MAP7: variants seen among roughly 807,000 people sequenced by gnomAD.
MAP7 encodes ensconsin.
In MAP7, 52 loss-of-function variants were observed where a neutral mutation model predicts 94.8. The observed-to-expected ratio is 0.55, with a 90% CI of 0.44 to 0.69. The LOEUF (loss-of-function observed/expected upper bound fraction) is 0.69. Ranked by LOEUF, MAP7 falls within the 30% of genes least tolerant of loss-of-function variation. The pLI is 0.00. For synonymous variants in MAP7, 350 were observed against 357.0 expected, an observed-to-expected ratio of 0.98 and a Z score of 0.22; for missense variants, 940 against 964.6, an observed-to-expected ratio of 0.97 and a Z score of 0.34.
At chr6:136,413,992 G>A (rs1166685655) in intron 2 of MAP7, among the ~76,000 whole-genome samples, 3 of 151,096 alleles carry the variant, frequency 2.0e-5, no homozygotes, top group Admixed American at 6.6e-5. Flanking sequence ...GCTCACGCCT[G>A]TAATCCCAGC....
intron 5 of MAP7, 60 bp downstream of exon 5, chr6:136,388,333 G>A (rs1779728523): frequency 2.4e-6 from 3 of 1,247,914 alleles, no homozygotes; most frequent in East Asian, 2.4e-5. Flanking sequence ...GAAGAAAGAA[G>A]GAAACACCCT....
chr6:136,525,798 C>T (rs1489948204), intron 1 of MAP7: 1 of 1,524,618 alleles, frequency 6.6e-7, no homozygotes, highest in Non-Finnish European at 8.8e-7. Context: ...AGGGCTGGAT[C>T]TGGCTCCGAC....
In MAP7 at chr6:136,419,584, CT is replaced by C. The variant is rs371892778; in HGVS notation, c.166+2116del. ...CTGATATTCAGGCCCCCATGTGTAC[CT>C]TAAGTAATATATATTTCCCAATAAG... On this transcript the variant is annotated intron_variant, in intron 2 of 17. Transcript: ENST00000354570. 1.0e-3 allele frequency among the ~76,000 whole-genome samples: 154 copies of C among 152,218 alleles called. 1 individual carries two copies. The highest frequency in any genetic ancestry group is 3.6e-3 in the African/African-American group (148 of 41,526).
intron 1 of MAP7, among the ~76,000 whole-genome samples, chr6:136,493,121 C>CTTTTTTTTTTTTTTTT (rs397795796): frequency 8.1e-6 from 1 of 123,342 alleles, no homozygotes; most frequent in African/African-American, 3.3e-5. Context: ...TTCTTCTTTC[C>CTTTTTTTTTTTTTTTT]TTTTTTTTTT....
intron 1 of MAP7, among the ~76,000 whole-genome samples, chr6:136,458,898 G>A (rs1304606749): frequency 6.6e-6 from 1 of 151,936 alleles, no homozygotes; most frequent in Non-Finnish European, 1.5e-5. Flanking sequence ...AGCATAAATA[G>A]ACCACTAGGA....
chr6:136,433,509 C>A (rs1031530200), intron 1 of MAP7, among the ~76,000 whole-genome samples: 1 of 152,202 alleles, frequency 6.6e-6, no homozygotes, highest in Non-Finnish European at 1.5e-5. Context: ...AAGGAAATAA[C>A]CACAAGGAAA....
intron 3 of MAP7, among the ~76,000 whole-genome samples, chr6:136,403,191 C>T (rs748855894): frequency 4.6e-5 from 7 of 152,148 alleles, no homozygotes; most frequent in Non-Finnish European, 1.0e-4. Context: ...CTCTGCTACG[C>T]CTTAGGCTTC....
intron 1 of MAP7, among the ~76,000 whole-genome samples, chr6:136,454,773 C>A (rs1802353264): frequency 6.6e-6 from 1 of 152,022 alleles, no homozygotes; most frequent in Non-Finnish European, 1.5e-5. Flanking sequence ...GTGACCCTCA[C>A]CTGTACTCAC....
At chr6:136,538,013 CT>C (rs1235959610) in intron 1 of MAP7, among the ~76,000 whole-genome samples, 3 of 152,190 alleles carry the variant, frequency 2.0e-5, no homozygotes, top group Admixed American at 2.0e-4. Context: ...AACTCCCGAC[CT>C]CGGGTGATCA....
At chr6:136,471,539 A>C (rs931532105) in intron 1 of MAP7, among the ~76,000 whole-genome samples, 1 of 151,810 alleles carries the variant, frequency 6.6e-6, no homozygotes, top group Non-Finnish European at 1.5e-5. Context: ...AAGATGCTGG[A>C]AAAGGAAGTT....
At chr6:136,493,945 G>T in intron 1 of MAP7, among the ~76,000 whole-genome samples, 1 of 152,206 alleles carries the variant, frequency 6.6e-6, no homozygotes, top group African/African-American at 2.4e-5. Flanking sequence ...CTGTAAAATG[G>T]GGAAGGCACA....
At chr6:136,401,527 A>C (rs1784077535) in intron 3 of MAP7, among the ~76,000 whole-genome samples, 2 of 152,212 alleles carry the variant, frequency 1.3e-5, no homozygotes, top group Non-Finnish European at 2.9e-5. Context: ...AAACTATCGC[A>C]AGGACAGAAA....
chr6:136,346,567 A>C (rs1276407016), intron 16 of MAP7, among the ~76,000 whole-genome samples: 5 of 152,226 alleles, frequency 3.3e-5, no homozygotes, highest in Admixed American at 3.3e-4. Context: ...GTCTCTAAAC[A>C]ACAACAAAAA....
intron 1 of MAP7, among the ~76,000 whole-genome samples, chr6:136,505,088 A>C (rs1031102183): frequency 1.3e-5 from 2 of 151,594 alleles, no homozygotes; most frequent in African/African-American, 4.8e-5. Flanking sequence ...AAACATTGTA[A>C]CTCCCTTTTT....
intron 1 of MAP7, among the ~76,000 whole-genome samples, chr6:136,487,849 G>A (rs1815256824): frequency 6.6e-6 from 1 of 152,168 alleles, no homozygotes; most frequent in Admixed American, 6.5e-5. Context: ...GTTAATGATG[G>A]CACAAAAGAT....
chr6:136,468,156 C>A (rs1341875438), intron 1 of MAP7, among the ~76,000 whole-genome samples: 1 of 152,166 alleles, frequency 6.6e-6, no homozygotes, highest in Non-Finnish European at 1.5e-5. Context: ...ATGGGCAACA[C>A]CTTGCGTGCA....
At chr6:136,467,028 G>T (rs1050978568) in intron 1 of MAP7, 4 of 438,926 alleles carry the variant, frequency 9.1e-6, no homozygotes, top group Non-Finnish European at 1.2e-5. Flanking sequence ...ACTGGGAAAT[G>T]CTTCTGTTCA....
intron 1 of MAP7, among the ~76,000 whole-genome samples, chr6:136,442,583 G>C (rs765614415): frequency 6.6e-6 from 1 of 152,124 alleles, no homozygotes; most frequent in African/African-American, 2.4e-5. Context: ...TGAGGCATTA[G>C]GCTCAGCTGT....
At chr6:136,498,853 T>G (rs903653113) in intron 1 of MAP7, among the ~76,000 whole-genome samples, 3 of 152,014 alleles carry the variant, frequency 2.0e-5, no homozygotes, top group African/African-American at 4.8e-5. Flanking sequence ...TAGAAAAGGC[T>G]TCAGTTTGAT....
Sources: allele counts gnomAD v4.1 joint callset (sites outside exome capture counted in the v4.1 genomes callset), GRCh38; gene constraint gnomAD v4.1.1; transcripts MANE v1.5; gene names NCBI Gene and HGNC (gene_info 2026-07-23, HGNC 2026-07-21).